The following PCDHA6 variants were observed in gnomAD, a reference collection of about 807,000 sequenced individuals.
PCDHA6 encodes protocadherin alpha-6.
Under a neutral mutation model 60.3 loss-of-function variants are expected in PCDHA6, and 55 were observed. The observed-to-expected ratio is 0.91, with a 90% CI of 0.73 to 1.14. The LOEUF is 1.14. Among genes scored for constraint, PCDHA6 ranks in the 50% most tolerant of loss-of-function variants. The pLI, the probability that PCDHA6 is intolerant of heterozygous loss-of-function variation, is 0.00. For synonymous variants in PCDHA6, 652 were observed against 557.9 expected, an observed-to-expected ratio of 1.17 and a Z score of -2.38; for missense variants, 1,327 against 1,256.5, an observed-to-expected ratio of 1.06 and a Z score of -0.85.
intron 1 of PCDHA6, among the ~76,000 whole-genome samples, chr5:140,941,374 T>C (rs1188935172): frequency 6.7e-6 from 1 of 148,216 alleles, no homozygotes; most frequent in African/African-American, 2.5e-5. Flanking sequence ...TGGAGTGTAG[T>C]GACAGGATTT....
intron 3 of PCDHA6, among the ~76,000 whole-genome samples, chr5:140,984,759 T>C (rs2097119018): frequency 6.6e-6 from 1 of 152,184 alleles, no homozygotes; most frequent in Non-Finnish European, 1.5e-5. Context: ...AGTTGAATTC[T>C]AATCCCAAGC....
chr5:140,979,383 T>C (rs2096847136), intron 2 of PCDHA6, among the ~76,000 whole-genome samples: 1 of 152,220 alleles, frequency 6.6e-6, no homozygotes, highest in Admixed American at 6.5e-5. Context: ...CATTGTGCAA[T>C]GTATACATAC....
chr5:140,907,558 A>G (rs2073449629), intron 1 of PCDHA6, among the ~76,000 whole-genome samples: 1 of 152,186 alleles, frequency 6.6e-6, no homozygotes, highest in Non-Finnish European at 1.5e-5. Flanking sequence ...GGTCCAATAT[A>G]ATCAACTTGC....
In PCDHA6 at chr5:140,828,511, G is replaced by C; in HGVS notation, c.420G>C (p.Val140=). The C allele has an allele frequency of 6.2e-7, 1 of 1,614,248 alleles. No individual in the cohort carries two copies. Among genetic ancestry groups the C allele is most frequent in the Non-Finnish European group, 8.5e-7 (1 of 1,180,046 alleles). The change falls in exon 1 of 4, where the codon GTG becomes GTC. Residue 140 remains valine (V), a synonymous_variant. Coordinates refer to ENST00000529310, the MANE Select transcript of PCDHA6 (RefSeq NM_018909.4). ...TGTTCCCGGTAGAGGAACAAAGAGT[G>C]CTGATTTACGAATCTAGGCTGCCAG... ...PPLFPVEEQR[V]LIYESRLPDS...
intron 1 of PCDHA6, among the ~76,000 whole-genome samples, chr5:140,872,762 G>A (rs545441914): frequency 6.6e-6 from 1 of 152,066 alleles, no homozygotes; most frequent in African/African-American, 2.4e-5. Flanking sequence ...ATGCATATAG[G>A]GCTATATTAT....
At chr5:140,848,855 C>T (rs2150422696) in intron 1 of PCDHA6, 6 of 1,590,444 alleles carry the variant, frequency 3.8e-6, no homozygotes, top group Non-Finnish European at 5.2e-6. Context: ...TCCATGTGGA[C>T]GTGGAGGTGA....
chr5:140,871,152 G>T lies in PCDHA6; in HGVS notation c.2394+40667G>T, dbSNP rs376980257. 913 of 1,613,436 alleles carry T rather than the reference G, an allele frequency of 5.7e-4. 8 individuals carry two copies. In the South Asian group the frequency reaches 9.3e-3, roughly 16 times the overall value. Reference sequence around the variant, plus strand: ...CAAAGGCCTCTTCCCGGACTTTGGCGGGCGCCGCGAGCCCAGAGGCTGCGC... The same window carrying T: ...CAAAGGCCTCTTCCCGGACTTTGGCTGGCGCCGCGAGCCCAGAGGCTGCGC... On this transcript the variant is annotated intron_variant, in intron 1 of 3. Transcript: ENST00000529310.
At chr5:140,876,754 C>A in intron 1 of PCDHA6, 1 of 1,614,212 alleles carries the variant, frequency 6.2e-7, no homozygotes, top group Non-Finnish European at 8.5e-7. Context: ...GGTGACTGCG[C>A]GGGATGGGGG....
intron 1 of PCDHA6, chr5:140,856,893 C>T (rs267600397): frequency 6.3e-7 from 1 of 1,596,420 alleles, no homozygotes; most frequent in Non-Finnish European, 8.6e-7. Flanking sequence ...TCATTTAGCT[C>T]TTTGGTCCCA....
At chr5:140,945,630 A>C (rs1445072054) in intron 1 of PCDHA6, among the ~76,000 whole-genome samples, 1 of 152,166 alleles carries the variant, frequency 6.6e-6, no homozygotes, top group African/African-American at 2.4e-5. Context: ...CTGGCATAAA[A>C]GACATGTAGA....
intron 3 of PCDHA6, among the ~76,000 whole-genome samples, chr5:140,984,330 A>C (rs2097097334): frequency 6.6e-6 from 1 of 152,204 alleles, no homozygotes; most frequent in Admixed American, 6.5e-5. Context: ...CAAATGTGGA[A>C]TAGGAACCAT....
rs139331486 is a variant in PCDHA6, at chr5:140,836,143, C to A, written c.2394+5658C>A. 1,039 of 1,613,760 alleles carry A rather than the reference C, an allele frequency of 6.4e-4. 8 individuals carry two copies. The highest frequency in any genetic ancestry group is 1.2e-3 in the South Asian group (112 of 91,068). ...GAGCTTGTGCCGCGGTCTGTGGGCG[C>A]GGGCCATGTGGTGGCGAAGGTACGT... On this transcript the variant is annotated intron_variant, in intron 1 of 3. Coordinates refer to ENST00000529310, the MANE Select transcript of PCDHA6 (RefSeq NM_018909.4).
At chr5:140,906,713 G>A (rs1554192665) in intron 1 of PCDHA6, among the ~76,000 whole-genome samples, 1 of 152,160 alleles carries the variant, frequency 6.6e-6, no homozygotes, top group Non-Finnish European at 1.5e-5. Flanking sequence ...AGTCCTGCCT[G>A]GATTGTGCTG....
chr5:140,943,830 G>C (rs1245752469), intron 1 of PCDHA6, among the ~76,000 whole-genome samples: 1 of 152,198 alleles, frequency 6.6e-6, no homozygotes, highest in Non-Finnish European at 1.5e-5. Context: ...TGAGTTGATT[G>C]AAGTTGTAAG....
chr5:140,849,863 G>T (rs2150454576), intron 1 of PCDHA6: 1 of 1,598,620 alleles, frequency 6.3e-7, no homozygotes, highest in East Asian at 2.2e-5. Flanking sequence ...CAGCGTTCGC[G>T]CAGTCCGAGT....
At chr5:140,857,488 C>G (rs782255025) in intron 1 of PCDHA6, 2 of 1,598,442 alleles carry the variant, frequency 1.3e-6, no homozygotes, top group South Asian at 2.2e-5. Context: ...CTGCGTGGGA[C>G]GCGGACGCGC....
intron 1 of PCDHA6, among the ~76,000 whole-genome samples, chr5:140,900,209 G>A (rs918328130): frequency 6.6e-6 from 1 of 152,146 alleles, no homozygotes; most frequent in Non-Finnish European, 1.5e-5. Context: ...GTTTCATCCA[G>A]GTTGTTGCAA....
chr5:140,907,790 A>G (rs2073612747), intron 1 of PCDHA6, among the ~76,000 whole-genome samples: 1 of 152,178 alleles, frequency 6.6e-6, no homozygotes, highest in African/African-American at 2.4e-5. Context: ...CTGGGGAAAG[A>G]GGCTAAGTGG....
chr5:140,886,844 A>AG lies in PCDHA6; in HGVS notation c.2394+56359_2394+56360insG, dbSNP rs1203919867. Among the ~76,000 whole-genome samples, 142 of 150,728 alleles carry AG rather than the reference A, an allele frequency of 9.4e-4. 2 individuals are homozygous for AG. Among genetic ancestry groups the AG allele is most frequent in the African/African-American group, 2.8e-3 (117 of 41,122 alleles). ...TTCGTCTTGAAAAAAAAAAAAAAAAAAAAGAAAGGTCTTCCCAACTCCTAT... is the reference window on the plus strand; with the variant it reads ...TTCGTCTTGAAAAAAAAAAAAAAAAAGAAAGAAAGGTCTTCCCAACTCCTAT... On this transcript the variant is annotated intron_variant, in intron 1 of 3. Coordinates refer to ENST00000529310, the MANE Select transcript of PCDHA6 (RefSeq NM_018909.4).
Sources: allele counts gnomAD v4.1 joint callset (sites outside exome capture counted in the v4.1 genomes callset), GRCh38; gene constraint gnomAD v4.1.1; transcripts MANE v1.5; gene names NCBI Gene and HGNC (gene_info 2026-07-23, HGNC 2026-07-21).